The following DNAJC17 variants were observed in gnomAD, a reference collection of about 807,000 sequenced individuals.
The protein encoded by DNAJC17 is dnaJ homolog subfamily C member 17.
A neutral mutation model predicts 48.1 loss-of-function variants in DNAJC17; 35 were observed. That is an observed-to-expected ratio of 0.73 (90% CI 0.56 to 0.96). The LOEUF (loss-of-function observed/expected upper bound fraction) is 0.96, where lower values mean the gene tolerates loss of function less well. DNAJC17 is among the 50% of genes least tolerant of loss of function. DNAJC17 has a pLI of 0.00. For missense variants in DNAJC17, 355 were observed against 377.1 expected, an observed-to-expected ratio of 0.94 and a Z score of 0.48; for synonymous variants, 117 against 142.7, an observed-to-expected ratio of 0.82 and a Z score of 1.28.
rs1264512001 is a variant in DNAJC17, at chr15:40,768,025, A to ACGAGGCTCT, written c.821_829dup (p.Glu274_Leu276dup). ...GGCCGCCTGGCGCATGCGCATCATG[A>ACGAGGCTCT]CGAGGCTCTCGTAGTCCCTCTCTGA... is the stretch of plus-strand genomic sequence containing the variant. On this transcript the variant is annotated inframe_insertion, in exon 11 of 11. Transcript: ENST00000220496. 6.3e-7 allele frequency: 1 copy of ACGAGGCTCT among 1,598,082 alleles called. No homozygotes were observed. Among genetic ancestry groups the ACGAGGCTCT allele is most frequent in the Non-Finnish European group, 8.5e-7 (1 of 1,174,278 alleles).
At chr15:40,799,224 C>CAAAAA (rs34609538) in intron 1 of DNAJC17, among the ~76,000 whole-genome samples, 3 of 44,370 alleles carry the variant, frequency 6.8e-5, no homozygotes, top group Non-Finnish European at 1.4e-4. Context: ...GACTCCATCT[C>CAAAAA]AAAAAAAAAA....
chr15:40,800,714 C>T (rs1161065889), intron 1 of DNAJC17, among the ~76,000 whole-genome samples: 3 of 150,772 alleles, frequency 2.0e-5, no homozygotes, highest in African/African-American at 4.9e-5. Flanking sequence ...CAGCTGGGCA[C>T]GGTGGCTCAC....
intron 1 of DNAJC17, 41 bp from the exon 2 acceptor site, chr15:40,780,038 C>T: frequency 2.5e-6 from 4 of 1,595,946 alleles, no homozygotes; most frequent in Non-Finnish European, 3.4e-6. Context: ...TCACTCTCAT[C>T]CCAGGGACAA....
intron 1 of DNAJC17, among the ~76,000 whole-genome samples, chr15:40,791,057 G>A (rs979927346): frequency 1.3e-5 from 2 of 152,114 alleles, no homozygotes; most frequent in African/African-American, 4.8e-5. Context: ...AAAAAAATAG[G>A]CCGGGTGCGG....
chr15:40,796,468 A>T (rs1189257427), intron 1 of DNAJC17, among the ~76,000 whole-genome samples: 3 of 152,180 alleles, frequency 2.0e-5, no homozygotes, highest in Admixed American at 1.3e-4. Context: ...CAGAGAAAGA[A>T]TTTTCTAGCA....
At chr15:40,801,492 C>T (rs1890069838) in intron 1 of DNAJC17, among the ~76,000 whole-genome samples, 1 of 152,076 alleles carries the variant, frequency 6.6e-6, no homozygotes, top group Non-Finnish European at 1.5e-5. Flanking sequence ...TGCGGTGGCT[C>T]ACGCCTGCAA....
intron 1 of DNAJC17, among the ~76,000 whole-genome samples, chr15:40,793,060 T>C (rs1474088178): frequency 1.3e-5 from 2 of 151,830 alleles, no homozygotes; most frequent in African/African-American, 4.8e-5. Context: ...GCCTGGCTAA[T>C]TTTTTTGTAT....
At chr15:40,788,280 T>C (rs1218782359) in intron 1 of DNAJC17, among the ~76,000 whole-genome samples, 1 of 152,202 alleles carries the variant, frequency 6.6e-6, no homozygotes, top group Non-Finnish European at 1.5e-5. Flanking sequence ...AAGTCCCCTC[T>C]GGCCAGGCAT....
intron 10 of DNAJC17, among the ~76,000 whole-genome samples, chr15:40,773,043 C>A (rs1230517560): frequency 6.6e-6 from 1 of 151,486 alleles, no homozygotes; most frequent in Non-Finnish European, 1.5e-5. Context: ...TCACTGCAAC[C>A]TCTGCCTCCC....
chr15:40,767,627 G>A lies in DNAJC17; in HGVS notation c.*313C>T, dbSNP rs1888980807. ...GCCATGTTCCTCGGGCAGCTGCCCC[G>A]GGCCGGAGCTGGGCACTCCAGCGGC... is the stretch of plus-strand genomic sequence containing the variant. On this transcript the variant is annotated 3_prime_UTR_variant, in exon 11 of 11. Coordinates refer to ENST00000220496, the MANE Select transcript of DNAJC17 (RefSeq NM_018163.3). 5.2e-6 allele frequency: 3 copies of A among 579,240 alleles called. No individual in the cohort carries two copies. Among genetic ancestry groups the A allele is most frequent in the South Asian group, 2.4e-5 (1 of 40,968 alleles). 35.9% of individuals were successfully genotyped at this position (579,240 alleles called of 1,614,324 possible).
chr15:40,776,327 C>T (rs1407629874), intron 5 of DNAJC17, 35 bp from the exon 6 acceptor site: 1 of 1,601,108 alleles, frequency 6.2e-7, no homozygotes, highest in Admixed American at 1.7e-5. Flanking sequence ...CAATTCTGTG[C>T]AGGTCCAATT....
intron 1 of DNAJC17, among the ~76,000 whole-genome samples, chr15:40,790,344 C>T (rs1170098102): frequency 4.6e-5 from 7 of 152,092 alleles, no homozygotes; most frequent in Non-Finnish European, 8.8e-5. Flanking sequence ...GAGGCTGAGG[C>T]GGGTGGATCA....
chr15:40,768,228 T>G (rs1271913778), intron 10 of DNAJC17, among the ~76,000 whole-genome samples, 166 bp from the exon 11 acceptor site: 1 of 152,126 alleles, frequency 6.6e-6, no homozygotes, highest in Non-Finnish European at 1.5e-5. Flanking sequence ...GGCTCGCCTG[T>G]GTCCCCCAGA....
chr15:40,789,916 A>AAAAAAAT, intron 1 of DNAJC17, among the ~76,000 whole-genome samples: 1 of 149,078 alleles, frequency 6.7e-6, no homozygotes, highest in African/African-American at 2.5e-5. Flanking sequence ...AAAAAAAAAA[A>AAAAAAAT]AAAAAAAAAA....
chr15:40,780,624 A>C, intron 1 of DNAJC17: 1 of 326,700 alleles, frequency 3.1e-6, no homozygotes, highest in Non-Finnish European at 6.0e-6. Context: ...GACCAGCCTC[A>C]CTAACATAGT....
At chr15:40,798,866 G>C (rs543452354) in intron 1 of DNAJC17, among the ~76,000 whole-genome samples, 1 of 152,118 alleles carries the variant, frequency 6.6e-6, no homozygotes, top group East Asian at 1.9e-4. Flanking sequence ...GTTAACTCAC[G>C]ACTTAATCCT....
In DNAJC17 at chr15:40,770,344, C is replaced by A. The variant is rs1889094046; in HGVS notation, c.793-2282G>T. 2 of 741,044 alleles carry A rather than the reference C, an allele frequency of 2.7e-6. No individual in the cohort carries two copies. The highest frequency in any genetic ancestry group is 1.8e-5 in the African/African-American group (1 of 56,466). The allele number at this position is 741,044 out of a possible 1,614,324, so 45.9% of individuals were successfully genotyped here. On this transcript the variant is annotated intron_variant, in intron 10 of 10. Coordinates refer to ENST00000220496, the MANE Select transcript of DNAJC17 (RefSeq NM_018163.3). This position sits in a 1 kb window ranked among gnomAD's most constrained non-coding sequence, Gnocchi z 5.0. Reference sequence around the variant, plus strand: ...TCTTCCTGAGCCCTCCTCTCACCATCCAAGATGTGGTCAAAGGTCTGTGCT... The same window carrying A: ...TCTTCCTGAGCCCTCCTCTCACCATACAAGATGTGGTCAAAGGTCTGTGCT...
In DNAJC17 at chr15:40,767,456, T is replaced by C. The variant is rs78081362; in HGVS notation, c.*484A>G. 1.5e-3 allele frequency: 1,876 copies of C among 1,288,522 alleles called. 32 individuals carry two copies. The African/African-American group carries it at 0.026, about 18-fold the overall frequency. 79.8% of individuals were successfully genotyped at this position (1,288,522 alleles called of 1,614,324 possible). A position where few individuals can be genotyped will look rare whatever the true frequency, so the allele number is the denominator to read the frequency against. ...TCTGCCTTGCTCCTCTCTTCCCAAA[T>C]CATCACCGCCATGGGCCCAGCCCCA... On this transcript the variant is annotated 3_prime_UTR_variant, in exon 11 of 11. Coordinates refer to ENST00000220496, the MANE Select transcript of DNAJC17 (RefSeq NM_018163.3).
chr15:40,793,615 AG>A (rs973538948), intron 1 of DNAJC17, among the ~76,000 whole-genome samples: 2 of 152,102 alleles, frequency 1.3e-5, no homozygotes, highest in Non-Finnish European at 2.9e-5. Flanking sequence ...TGAGTAAAGA[AG>A]GGGTCCAGGT....
Sources: allele counts gnomAD v4.1 joint callset (sites outside exome capture counted in the v4.1 genomes callset), GRCh38; gene constraint gnomAD v4.1.1; non-coding constraint Gnocchi (gnomAD v3.1); transcripts MANE v1.5; gene names NCBI Gene and HGNC (gene_info 2026-07-23, HGNC 2026-07-21).